The following ERH variants were observed in gnomAD, a reference collection of about 807,000 sequenced individuals.
The protein encoded by ERH is enhancer of rudimentary homolog.
A neutral mutation model predicts 16.8 loss-of-function variants in ERH; 1 was observed. The ratio of observed to expected loss-of-function variants is 0.06; its 90% CI spans 0.02 to 0.28. The LOEUF is 0.28. ERH is among the 10% of genes least tolerant of loss of function. The pLI is 1.00. For synonymous variants in ERH, 43 were observed against 43.6 expected (o/e 0.99, Z 0.05); for missense variants, 42 against 127.5 (o/e 0.33, Z 3.23).
chr14:69,395,299 G>GAA (rs546257075), intron 1 of ERH, among the ~76,000 whole-genome samples: 1 of 147,798 alleles, frequency 6.8e-6, no homozygotes, highest in South Asian at 2.1e-4. Context: ...TCTCTTAAAA[G>GAA]AAAAAAAAAA....
Position 69,398,276 on chromosome 14 carries a change from C to A in ERH, c.-43G>T, listed in dbSNP as rs910777503. On this transcript the variant is annotated 5_prime_UTR_variant, in exon 1 of 4. Coordinates refer to ENST00000557016, the MANE Select transcript of ERH (RefSeq NM_004450.3). ...GCTACAGCAGCTGCCGACACCGCCG[C>A]CGTTACACGAGCTTAACTACAACGC... 6.2e-7 allele frequency: 1 copy of A among 1,613,762 alleles called. No individual in the cohort carries two copies. The highest frequency in any genetic ancestry group is 2.2e-5 in the East Asian group (1 of 44,868).
In ERH at chr14:69,380,484, T is replaced by C; in HGVS notation, c.*54A>G. On this transcript the variant is annotated 3_prime_UTR_variant, in exon 4 of 4. Coordinates refer to ENST00000557016, the MANE Select transcript of ERH (RefSeq NM_004450.3). ...ATACAAAACTTCCACTACAGCACGCTGTACACACCTGTGTTCCAAGCCCAC... is the reference window on the plus strand; with the variant it reads ...ATACAAAACTTCCACTACAGCACGCCGTACACACCTGTGTTCCAAGCCCAC... 1.0e-6 allele frequency: 1 copy of C among 992,592 alleles called. No individual in the cohort carries two copies. The highest frequency in any genetic ancestry group is 1.6e-6 in the Non-Finnish European group (1 of 616,282). The allele number at this position is 992,592 out of a possible 1,614,324, so 61.5% of individuals were successfully genotyped here.
intron 2 of ERH, among the ~76,000 whole-genome samples, chr14:69,392,544 G>C (rs779851927): frequency 6.6e-6 from 1 of 152,198 alleles, no homozygotes; most frequent in Non-Finnish European, 1.5e-5. Flanking sequence ...TGAATAGGTA[G>C]AGCACAAGAA....
intron 1 of ERH, among the ~76,000 whole-genome samples, chr14:69,395,731 ACATAT>A (rs1237020188): frequency 8.5e-5 from 13 of 152,204 alleles, no homozygotes; most frequent in African/African-American, 3.1e-4. Context: ...AGCAATATAA[ACATAT>A]CATAAGAATT....
Position 69,380,597 on chromosome 14 carries a change from A to G in ERH, c.256T>C (p.Trp86Arg). 1 of 1,601,550 alleles carries G rather than the reference A, an allele frequency of 6.2e-7. No homozygotes were observed. The highest frequency in any genetic ancestry group is 8.5e-7 in the Non-Finnish European group (1 of 1,173,406). ...TQTYQPYNKD[W>R]IKEKIYVLLR... ...AGCACGTAGATCTTCTCTTTAATCCAGTCTTTGTTATAAGGCTGGTATGTC... is the reference window on the plus strand; with the variant it reads ...AGCACGTAGATCTTCTCTTTAATCCGGTCTTTGTTATAAGGCTGGTATGTC... Residue 86 changes from tryptophan to arginine, a missense_variant, in exon 4 of 4, where the codon TGG (tryptophan) becomes CGG (arginine). Coordinates refer to ENST00000557016, the MANE Select transcript of ERH (RefSeq NM_004450.3).
At chr14:69,381,011 A>T (rs1214618083) in intron 3 of ERH, among the ~76,000 whole-genome samples, 1 of 152,210 alleles carries the variant, frequency 6.6e-6, no homozygotes, top group Non-Finnish European at 1.5e-5. Context: ...GGCTGGGTGC[A>T]GTGGCTCATG....
intron 1 of ERH, among the ~76,000 whole-genome samples, chr14:69,396,649 T>C (rs183949617): frequency 1.1e-3 from 164 of 152,320 alleles, no homozygotes; most frequent in African/African-American, 3.8e-3. Flanking sequence ...ATAGTACATT[T>C]AACATGACAT....
chr14:69,397,440 T>C (rs796180407), intron 1 of ERH, among the ~76,000 whole-genome samples: 14 of 137,236 alleles, frequency 1.0e-4, no homozygotes, highest in African/African-American at 3.3e-4. Flanking sequence ...TACCTAGAGG[T>C]CTCAAAAACA....
intron 3 of ERH, among the ~76,000 whole-genome samples, chr14:69,383,825 T>C (rs2045876739): frequency 6.6e-6 from 1 of 152,184 alleles, no homozygotes; most frequent in Non-Finnish European, 1.5e-5. Flanking sequence ...CAGTTTAGTA[T>C]GCTAGATATG....
chr14:69,392,569 G>T (rs1252943452), intron 2 of ERH, among the ~76,000 whole-genome samples: 1 of 152,196 alleles, frequency 6.6e-6, no homozygotes, highest in African/African-American at 2.4e-5. Context: ...TTAGGGCAGG[G>T]CAGTGAAACC....
chr14:69,386,413 G>A (rs1015072124), intron 3 of ERH, among the ~76,000 whole-genome samples: 8 of 152,024 alleles, frequency 5.3e-5, no homozygotes, highest in African/African-American at 1.7e-4. Flanking sequence ...ATTTCTGTTC[G>A]CTAATGTAAA....
At chr14:69,385,309 A>G (rs2045884818) in intron 3 of ERH, among the ~76,000 whole-genome samples, 1 of 152,202 alleles carries the variant, frequency 6.6e-6, no homozygotes, top group African/African-American at 2.4e-5. Flanking sequence ...CCCTGAATTA[A>G]TTGCAGTTCC....
At chr14:69,390,891 C>T (rs899147473) in intron 2 of ERH, among the ~76,000 whole-genome samples, 1 of 152,128 alleles carries the variant, frequency 6.6e-6, no homozygotes, top group Non-Finnish European at 1.5e-5. Context: ...CAAATAAGCA[C>T]ATGAAAAGAT....
chr14:69,384,453 A>C (rs1462255988), intron 3 of ERH, among the ~76,000 whole-genome samples: 1 of 152,112 alleles, frequency 6.6e-6, no homozygotes, highest in Non-Finnish European at 1.5e-5. Context: ...TAATTCTGCC[A>C]CTCCAGCTAG....
At chr14:69,384,645 C>T (rs1257505818) in intron 3 of ERH, among the ~76,000 whole-genome samples, 1 of 152,128 alleles carries the variant, frequency 6.6e-6, no homozygotes, top group African/African-American at 2.4e-5. Context: ...CAGAATATAG[C>T]TCTGTAATAT....
intron 1 of ERH, 82 bp downstream of exon 1, chr14:69,398,149 T>G (rs1882413958): frequency 4.0e-6 from 6 of 1,518,350 alleles, no homozygotes; most frequent in Non-Finnish European, 2.7e-6. Flanking sequence ...ATGGGGCTCG[T>G]GGGGAGGGGA....
chr14:69,394,302 C>A (rs933237576), intron 2 of ERH, among the ~76,000 whole-genome samples: 1 of 151,818 alleles, frequency 6.6e-6, no homozygotes, highest in African/African-American at 2.4e-5. Flanking sequence ...AAAAAAAACA[C>A]CTAATACTTG....
intron 2 of ERH, among the ~76,000 whole-genome samples, chr14:69,394,587 ACT>A (rs1392370790): frequency 6.6e-6 from 1 of 150,482 alleles, no homozygotes; most frequent in Non-Finnish European, 1.5e-5. Flanking sequence ...ATAGAGCGAG[ACT>A]CTGTCTCAAA....
intron 2 of ERH, among the ~76,000 whole-genome samples, chr14:69,391,948 G>A (rs1387620050): frequency 2.0e-5 from 3 of 151,948 alleles, no homozygotes; most frequent in East Asian, 3.9e-4. Context: ...CATAAACTGC[G>A]AACTTTAGTT....
Sources: gnomAD v4.1 joint callset for allele counts (sites outside exome capture counted in the v4.1 genomes callset) on GRCh38, gnomAD v4.1.1 for gene constraint, MANE v1.5 for transcripts, NCBI Gene and HGNC (gene_info 2026-07-23, HGNC 2026-07-21) for gene names.